The following MALRD1 variants were observed in gnomAD, a reference collection of about 807,000 sequenced individuals.
The protein encoded by MALRD1 is MAM and LDL receptor class A domain containing 1.
A neutral mutation model predicts 242.1 loss-of-function variants in MALRD1; 247 were observed. The ratio of observed to expected loss-of-function variants is 1.02; its 90% CI spans 0.92 to 1.13. The LOEUF (loss-of-function observed/expected upper bound fraction) is 1.13. MALRD1 is among the 50% of genes most tolerant of loss of function. MALRD1 has a pLI of 0.00. For missense variants in MALRD1, 2,989 were observed against 2,533.1 expected, an observed-to-expected ratio of 1.18 and a Z score of -3.86; for synonymous variants, 995 against 866.6, an observed-to-expected ratio of 1.15 and a Z score of -2.60.
intron 29 of MALRD1, among the ~76,000 whole-genome samples, chr10:19,457,276 A>G (rs1262531633): frequency 6.6e-6 from 1 of 152,296 alleles, no homozygotes; most frequent in Middle Eastern, 3.4e-3. Flanking sequence ...GTCACACAGC[A>G]CTTGACATAT....
chr10:19,060,432 TC>T (rs1834789759), intron 1 of MALRD1, among the ~76,000 whole-genome samples: 1 of 152,120 alleles, frequency 6.6e-6, no homozygotes, highest in Non-Finnish European at 1.5e-5. Flanking sequence ...GGAAATCAGG[TC>T]CTTTTTTCTC....
At chr10:19,466,736 T>C (rs1462736445) in intron 29 of MALRD1, among the ~76,000 whole-genome samples, 2 of 152,150 alleles carry the variant, frequency 1.3e-5, no homozygotes, top group African/African-American at 2.4e-5. Flanking sequence ...GTATTTGCAT[T>C]TACATGAAAT....
intron 28 of MALRD1, among the ~76,000 whole-genome samples, chr10:19,425,456 A>T (rs908873785): frequency 2.0e-5 from 3 of 152,060 alleles, no homozygotes; most frequent in South Asian, 4.1e-4. Context: ...GTGTGTGTGT[A>T]TGTATACATG....
At chr10:19,432,702 T>A (rs1810337612) in intron 28 of MALRD1, among the ~76,000 whole-genome samples, 1 of 152,196 alleles carries the variant, frequency 6.6e-6, no homozygotes, top group South Asian at 2.1e-4. Flanking sequence ...TGATTCAACA[T>A]GAATAAGAAT....
chr10:19,194,700 G>A (rs1836152933), intron 14 of MALRD1, among the ~76,000 whole-genome samples: 1 of 152,052 alleles, frequency 6.6e-6, no homozygotes, highest in African/African-American at 2.4e-5. Flanking sequence ...CATTTTATAT[G>A]ACAGCTTTCC....
rs1057448728 is a variant in MALRD1, at chr10:19,389,598, A to G, written c.4834A>G (p.Ile1612Val). 18 of 1,549,794 alleles carry G rather than the reference A, an allele frequency of 1.2e-5. No homozygotes were observed. The Admixed American group carries it at 2.0e-4, about 17-fold the overall frequency. ...VSAKATGSIQILIKTEKGLSK... is the reference protein window; with the variant it reads ...VSAKATGSIQVLIKTEKGLSK... The stretch of plus-strand genomic sequence containing the variant: ...TGCAAAGGCCACAGGATCCATTCAG[A>G]TTCTCATCAAGGTAGGAACATGGCC... Residue 1612 changes from isoleucine to valine, a missense_variant, in exon 28 of 40, where the codon ATT becomes GTT. Physicochemically the swap from Ile to Val is conservative, Grantham distance 29. Coordinates refer to ENST00000454679, the MANE Select transcript of MALRD1 (RefSeq NM_001142308.3).
At chr10:19,110,827 A>G (rs1836652534) in intron 5 of MALRD1, among the ~76,000 whole-genome samples, 1 of 152,112 alleles carries the variant, frequency 6.6e-6, no homozygotes, top group African/African-American at 2.4e-5. Flanking sequence ...ATGATCCCTG[A>G]TCATTTTGTA....
At chr10:19,605,314 C>T (rs977644725) in intron 34 of MALRD1, among the ~76,000 whole-genome samples, 9 of 151,422 alleles carry the variant, frequency 5.9e-5, no homozygotes, top group African/African-American at 2.2e-4. Context: ...GCCACCAATC[C>T]TGGCTATTTT....
At chr10:19,325,663 T>C (rs1446515751) in intron 22 of MALRD1, among the ~76,000 whole-genome samples, 3 of 152,118 alleles carry the variant, frequency 2.0e-5, no homozygotes, top group Non-Finnish European at 4.4e-5. Flanking sequence ...CTGAAATAAA[T>C]CCACAAATTC....
intron 13 of MALRD1, among the ~76,000 whole-genome samples, chr10:19,168,431 C>T (rs1834790403): frequency 6.6e-6 from 1 of 152,152 alleles, no homozygotes; most frequent in African/African-American, 2.4e-5. Flanking sequence ...CATTAATTGA[C>T]ATATTGAGAA....
At chr10:19,589,020 C>A (rs913396047) in intron 33 of MALRD1, among the ~76,000 whole-genome samples, 1 of 152,066 alleles carries the variant, frequency 6.6e-6, no homozygotes, top group East Asian at 1.9e-4. Flanking sequence ...ATTACTTGCA[C>A]AATAAAGACA....
At chr10:19,088,003 G>C (rs1365589574) in intron 3 of MALRD1, 21 bp from the exon 4 acceptor site, 2 of 1,232,976 alleles carry the variant, frequency 1.6e-6, no homozygotes, top group African/African-American at 1.6e-5. Flanking sequence ...TAATTGTTTG[G>C]GTACTAATTG....
At chr10:19,360,706 C>T (rs1333918684) in intron 26 of MALRD1, among the ~76,000 whole-genome samples, 1 of 151,960 alleles carries the variant, frequency 6.6e-6, no homozygotes, top group Non-Finnish European at 1.5e-5. Flanking sequence ...AGTAAACAGC[C>T]TTATAAATAT....
chr10:19,302,218 A>T (rs555080297), intron 21 of MALRD1, among the ~76,000 whole-genome samples: 1 of 151,844 alleles, frequency 6.6e-6, no homozygotes, highest in African/African-American at 2.4e-5. Flanking sequence ...TTTCTTAAAA[A>T]GTCAAACAGA....
intron 29 of MALRD1, among the ~76,000 whole-genome samples, chr10:19,455,320 A>G (rs1329984933): frequency 1.3e-5 from 2 of 152,190 alleles, no homozygotes; most frequent in African/African-American, 4.8e-5. Context: ...TCAGAACGTT[A>G]CTTAAAGTAC....
intron 21 of MALRD1, among the ~76,000 whole-genome samples, chr10:19,285,196 G>A (rs1461057639): frequency 3.5e-5 from 5 of 144,274 alleles, no homozygotes; most frequent in African/African-American, 1.1e-4. Flanking sequence ...CTCCCATTTT[G>A]TAGGTTTCCT....
intron 33 of MALRD1, among the ~76,000 whole-genome samples, chr10:19,572,075 T>C (rs1836578869): frequency 6.6e-6 from 1 of 152,186 alleles, no homozygotes; most frequent in African/African-American, 2.4e-5. Context: ...TCTTTCCATG[T>C]AGAAGATTCC....
At chr10:19,241,951 T>C (rs1193846530) in intron 18 of MALRD1, among the ~76,000 whole-genome samples, 1 of 152,190 alleles carries the variant, frequency 6.6e-6, no homozygotes, top group Non-Finnish European at 1.5e-5. Context: ...CTTAAGTTTG[T>C]TAAGACTTAT....
chr10:19,101,459 A>G (rs928061101), intron 4 of MALRD1, among the ~76,000 whole-genome samples: 1 of 140,216 alleles, frequency 7.1e-6, no homozygotes, highest in Admixed American at 7.5e-5. Flanking sequence ...TATATAATTT[A>G]TATAATATAA....
Sources: gnomAD v4.1 joint callset for allele counts (sites outside exome capture counted in the v4.1 genomes callset) on GRCh38, gnomAD v4.1.1 for gene constraint, MANE v1.5 for transcripts, NCBI Gene and HGNC (gene_info 2026-07-23, HGNC 2026-07-21) for gene names.